The following GREB1 variants were observed in gnomAD, a reference collection of about 807,000 sequenced individuals.
The protein encoded by GREB1 is growth regulating estrogen receptor binding 1, also known as protein GREB1.
In GREB1, 106 loss-of-function variants were observed where a neutral mutation model predicts 200.7. The observed-to-expected ratio is 0.53, with a 90% confidence interval of 0.45 to 0.62. GREB1 has a LOEUF of 0.62. Ranked by LOEUF, GREB1 falls within the 20% of genes least tolerant of loss-of-function variation. The pLI is 0.00. For missense variants in GREB1, 2,243 were observed against 2,556.8 expected, an observed-to-expected ratio of 0.88 and a Z score of 2.65; for synonymous variants, 1,132 against 1,092.4, an observed-to-expected ratio of 1.04 and a Z score of -0.72.
chr2:11,621,122 C>G, intron 23 of GREB1, 115 bp downstream of exon 23: 1 of 718,404 alleles, frequency 1.4e-6, no homozygotes, highest in Non-Finnish European at 2.5e-6. Flanking sequence ...TGATCAGACT[C>G]ATCCCAAGGA....
In GREB1 at chr2:11,548,176, CAA is replaced by C. The variant is rs56763287; in HGVS notation, c.-161-8266_-161-8265del. 5.1e-5 allele frequency among the ~76,000 whole-genome samples: 7 copies of C among 136,854 alleles called. No individual in the cohort carries two copies. Among genetic ancestry groups the C allele is most frequent in the African/African-American group, 1.6e-4 (6 of 37,698 alleles). The allele number at this position is 136,854 out of a possible 152,430, so 89.8% of individuals were successfully genotyped here. On this transcript the variant is annotated intron_variant, in intron 1 of 32. Transcript: ENST00000381486. This position sits in a 1 kb window ranked among gnomAD's most constrained non-coding sequence, Gnocchi z 5.1. ...GGGCAACAGAGCAAGACCCTGTCTC[CAA>C]AAAAAAAAAAACCCACCACACATTC...
intron 26 of GREB1, 48 bp from the exon 27 acceptor site, chr2:11,631,861 G>T (rs759046104): frequency 2.1e-5 from 28 of 1,364,304 alleles, no homozygotes; most frequent in Non-Finnish European, 2.5e-5. Flanking sequence ...GGGAATAATT[G>T]CAGCCACATT....
rs1685768126 is a variant in GREB1 at position 11,640,919 on chromosome 2, A to G, written c.*465A>G. 1 of 156,346 alleles carries G rather than the reference A, an allele frequency of 6.4e-6. No homozygotes were observed. The highest frequency in any genetic ancestry group is 2.4e-5 in the African/African-American group (1 of 41,516). 9.7% of individuals were successfully genotyped at this position (156,346 alleles called of 1,614,324 possible). On this transcript the variant is annotated 3_prime_UTR_variant, in exon 33 of 33. Coordinates refer to ENST00000381486, the MANE Select transcript of GREB1 (RefSeq NM_014668.4). The surrounding 1 kb of genome is among the most constrained non-coding windows in gnomAD (Gnocchi z 4.6). ...GGAACATTTTAACTGTAAAGGCTGG[A>G]GACAAGAAAAAATAAGTAGATCGTT...
At chr2:11,615,801 G>A (rs73175257) in intron 20 of GREB1, among the ~76,000 whole-genome samples, 2,944 of 152,256 alleles carry the variant, frequency 0.019, 97 homozygotes, top group African/African-American at 0.067. Context: ...TGATAACATC[G>A]CAAGGCATTG....
In GREB1 at chr2:11,625,342, C is replaced by G. The variant is rs370345680; in HGVS notation, c.4306+30C>G. On this transcript the variant is annotated intron_variant, in intron 24 of 32. Transcript: ENST00000381486. ...GACTTTGAATCTCTCGTTTCACCTT[C>G]CAGAGTGCATGGGCACAGCCTCTTA... is the stretch of plus-strand genomic sequence containing the variant. 2.7e-5 allele frequency: 44 copies of G among 1,606,892 alleles called. No individual in the cohort carries two copies. In the African/African-American group the frequency reaches 5.7e-4, roughly 21 times the overall value.
At chr2:11,515,816 T>C (rs901471734) in intron 1 of GREB1, among the ~76,000 whole-genome samples, 1 of 152,242 alleles carries the variant, frequency 6.6e-6, no homozygotes, top group Admixed American at 6.5e-5. Flanking sequence ...TTCAGTCTAG[T>C]AGGGTTTTGT....
At chr2:11,550,803 C>A (rs1675743013) in intron 1 of GREB1, among the ~76,000 whole-genome samples, 2 of 152,158 alleles carry the variant, frequency 1.3e-5, no homozygotes, top group African/African-American at 4.8e-5. Flanking sequence ...GTCCTTATAC[C>A]TGCACATTCC....
chr2:11,588,271 A>C, intron 9 of GREB1: 1 of 1,059,686 alleles, frequency 9.4e-7, no homozygotes, highest in Non-Finnish European at 1.1e-6. Flanking sequence ...CTCTGTGGTG[A>C]TATATTGTCC....
chr2:11,612,438 C>T, intron 18 of GREB1, 57 bp from the exon 19 acceptor site: 1 of 1,517,178 alleles, frequency 6.6e-7, no homozygotes, highest in Non-Finnish European at 9.1e-7. Context: ...TTCCTCTGAG[C>T]TGGGCTGGTT....
chr2:11,595,806 A>G (rs1205803127), intron 12 of GREB1, among the ~76,000 whole-genome samples: 1 of 151,830 alleles, frequency 6.6e-6, no homozygotes, highest in Non-Finnish European at 1.5e-5. Context: ...GACTCATCTC[A>G]TGTCCCCCTA....
At chr2:11,592,187 CTTT>C (rs60260708) in intron 10 of GREB1, 911 of 310,840 alleles carry the variant, frequency 2.9e-3, no homozygotes, top group Middle Eastern at 4.6e-3. Context: ...TTTTTTTTTT[CTTT>C]TTTTTTTTTT....
chr2:11,592,904 G>A lies in GREB1; in HGVS notation c.1474G>A (p.Ala492Thr), dbSNP rs371122998. ...GCAGCCCTTCCCGCCCGCGCCCAGC[G>A]CCGCGGCACCCGTGACCTCCGCGCA... The part of the protein sequence containing the change: ...PPQPFPPAPS[A>T]AAPVTSAQLP... Residue 492 changes from alanine to threonine, a missense_variant, in exon 11 of 33, where the codon GCC (alanine) becomes ACC (threonine). By Grantham distance (58) the Ala-to-Thr change is moderately conservative (BLOSUM62 0). Coordinates refer to ENST00000381486, the MANE Select transcript of GREB1 (RefSeq NM_014668.4). The A allele has an allele frequency of 1.7e-5, 27 of 1,591,462 alleles. No individual in the cohort carries two copies. The highest frequency in any genetic ancestry group is 2.3e-5 in the East Asian group (1 of 43,600).
intron 30 of GREB1, among the ~76,000 whole-genome samples, chr2:11,636,845 T>G (rs1228857634): frequency 9.6e-3 from 480 of 50,184 alleles, no homozygotes; most frequent in Middle Eastern, 0.015. Flanking sequence ...GGCAGGGACA[T>G]GGGCAGAGGC....
intron 1 of GREB1, among the ~76,000 whole-genome samples, chr2:11,552,990 A>G (rs1278415638): frequency 1.4e-5 from 2 of 142,570 alleles, no homozygotes; most frequent in Admixed American, 6.9e-5. Context: ...AGCCTGGGCG[A>G]CAGAGCGAAA....
intron 1 of GREB1, among the ~76,000 whole-genome samples, chr2:11,503,503 G>A (rs1325680867): frequency 2.0e-5 from 3 of 151,864 alleles, no homozygotes; most frequent in Admixed American, 1.3e-4. Context: ...GTATCTCTTC[G>A]TGTCTCAGTA....
chr2:11,522,474 G>A (rs550622711), intron 1 of GREB1, among the ~76,000 whole-genome samples: 14 of 152,194 alleles, frequency 9.2e-5, no homozygotes, highest in East Asian at 5.8e-4. Context: ...CACAACTGTC[G>A]CCTGAATACT....
At chr2:11,539,789 T>C (rs575760256) in intron 1 of GREB1, 2 of 143,472 alleles carry the variant, frequency 1.4e-5, no homozygotes, top group Admixed American at 1.4e-4. Context: ...GAAGGGCTAC[T>C]GCTGAATTTT....
At chr2:11,527,538 G>C (rs1190565510) in intron 1 of GREB1, among the ~76,000 whole-genome samples, 2 of 152,228 alleles carry the variant, frequency 1.3e-5, no homozygotes, top group African/African-American at 2.4e-5. Flanking sequence ...GGGGAAGCTT[G>C]GTCCCAGAGT....
intron 1 of GREB1, among the ~76,000 whole-genome samples, chr2:11,500,411 G>A (rs938022398): frequency 1.3e-5 from 2 of 151,372 alleles, no homozygotes; most frequent in Non-Finnish European, 2.9e-5. Flanking sequence ...TGCTCGCCTC[G>A]GACTCCCAAA....
Sources: gnomAD v4.1 joint callset for allele counts (sites outside exome capture counted in the v4.1 genomes callset) on GRCh38, gnomAD v4.1.1 for gene constraint, Gnocchi (gnomAD v3.1) non-coding constraint, MANE v1.5 for transcripts, NCBI Gene and HGNC (gene_info 2026-07-23, HGNC 2026-07-21) for gene names.